ITIH2: variants seen among roughly 807,000 people sequenced by gnomAD.
ITIH2 encodes inter-alpha-trypsin inhibitor heavy chain 2, also known as inter-alpha-trypsin inhibitor heavy chain H2.
In ITIH2, 103 loss-of-function variants were observed where a neutral mutation model predicts 104.4. That is an observed-to-expected ratio of 0.99 (90% CI 0.84 to 1.16). ITIH2 has a LOEUF of 1.16. Ranked by LOEUF, ITIH2 falls within the 50% of genes most tolerant of loss-of-function variation. The probability of loss-of-function intolerance (pLI) is 0.00; values close to 1 mark genes in which losing one functional copy is unlikely to be tolerated. For missense variants in ITIH2, 1,108 were observed against 1,162.4 expected (o/e 0.95, Z 0.68); for synonymous variants, 436 against 435.4 (o/e 1.00, Z -0.02).
chr10:7,732,784 G>C (rs2130956472), intron 14 of ITIH2, among the ~76,000 whole-genome samples: 1 of 152,070 alleles, frequency 6.6e-6, no homozygotes, highest in South Asian at 2.1e-4. Flanking sequence ...CTGGAGTGCA[G>C]TGACGCCATC....
At chr10:7,711,032 A>G (rs1834792544) in intron 4 of ITIH2, among the ~76,000 whole-genome samples, 1 of 151,340 alleles carries the variant, frequency 6.6e-6, no homozygotes, top group African/African-American at 2.4e-5. Context: ...TCATCCCATC[A>G]TCTAGGTTTT....
At chr10:7,721,891 AGCT>A in intron 8 of ITIH2, 114 bp downstream of exon 8, 5 of 1,122,742 alleles carry the variant, frequency 4.5e-6, no homozygotes, top group Middle Eastern at 2.1e-4. Flanking sequence ...AAGTGTTTCT[AGCT>A]GCAGAGAAGG....
intron 9 of ITIH2, 146 bp downstream of exon 9, chr10:7,723,713 TA>T: frequency 1.6e-6 from 1 of 631,712 alleles, no homozygotes. Flanking sequence ...CAACTCTTCC[TA>T]AAATTTTGCT....
At chr10:7,744,311 G>C in intron 18 of ITIH2, 31 bp downstream of exon 18, 3 of 1,549,328 alleles carry the variant, frequency 1.9e-6, no homozygotes, top group Non-Finnish European at 1.8e-6. Flanking sequence ...ACTTGGGCCT[G>C]TCCGTGACAC....
chr10:7,719,780 A>C (rs11255311), intron 6 of ITIH2, among the ~76,000 whole-genome samples: 1 of 141,090 alleles, frequency 7.1e-6, no homozygotes, highest in African/African-American at 2.7e-5. Flanking sequence ...AAAAAAAAAA[A>C]AAAGAAAGAA....
chr10:7,732,258 G>T, intron 13 of ITIH2, 80 bp from the exon 14 acceptor site: 1 of 1,429,682 alleles, frequency 7.0e-7, no homozygotes, highest in Non-Finnish European at 9.7e-7. Flanking sequence ...CCATTCATTC[G>T]CAGCAGGTAC....
At chr10:7,710,122 G>A (rs536297159) in intron 4 of ITIH2, among the ~76,000 whole-genome samples, 2 of 152,346 alleles carry the variant, frequency 1.3e-5, no homozygotes, top group South Asian at 4.1e-4. Flanking sequence ...AAAGTGTTGG[G>A]ATTACAGGCG....
chr10:7,734,673 C>A (rs1277669832), intron 14 of ITIH2, among the ~76,000 whole-genome samples: 2 of 152,154 alleles, frequency 1.3e-5, no homozygotes, highest in East Asian at 3.9e-4. Context: ...CCAGCCTGGG[C>A]AACAGGGCGA....
Position 7,738,199 on chromosome 10 carries a change from A to T in ITIH2, c.1958-422A>T, listed in dbSNP as rs187869230. ...TATATATTATATATTATATTCTATA[A>T]AATATTATATATTATATTCTATATA... is the stretch of plus-strand genomic sequence containing the variant. On this transcript the variant is annotated intron_variant, in intron 15 of 20. Coordinates refer to ENST00000358415, the MANE Select transcript of ITIH2 (RefSeq NM_002216.3). Among the ~76,000 whole-genome samples, 79 of 67,316 alleles carry T rather than the reference A, an allele frequency of 1.2e-3. 6 individuals are homozygous for T. Among genetic ancestry groups the T allele is most frequent in the South Asian group, 2.5e-3 (5 of 1,978 alleles). The allele number at this position is 67,316 out of a possible 152,430, so 44.2% of individuals were successfully genotyped here.
chr10:7,731,202 C>A (rs1834999466), intron 12 of ITIH2, among the ~76,000 whole-genome samples: 1 of 152,102 alleles, frequency 6.6e-6, no homozygotes, highest in Admixed American at 6.5e-5. Context: ...ACAGGTCAAG[C>A]CACCATGCCC....
intron 7 of ITIH2, 146 bp downstream of exon 7, chr10:7,721,109 G>A (rs1834898868): frequency 3.3e-6 from 2 of 610,120 alleles, no homozygotes; most frequent in East Asian, 5.6e-5. Flanking sequence ...AGAGCCTAGG[G>A]CCTCCCCAGG....
intron 11 of ITIH2, among the ~76,000 whole-genome samples, chr10:7,729,567 CT>C (rs1358895474): frequency 6.6e-6 from 1 of 151,950 alleles, no homozygotes; most frequent in African/African-American, 2.4e-5. Context: ...TGATATTTAC[CT>C]TGTTTTTTTT....
intron 4 of ITIH2, 59 bp from the exon 5 acceptor site, chr10:7,713,122 G>A (rs61834849): frequency 7.4e-7 from 1 of 1,355,574 alleles, no homozygotes; most frequent in Non-Finnish European, 1.0e-6. Context: ...TCCATCTCGA[G>A]GGGAAAAAAA....
At chr10:7,705,369 A>G (rs368770707) in intron 2 of ITIH2, among the ~76,000 whole-genome samples, 187 bp downstream of exon 2, 10 of 152,328 alleles carry the variant, frequency 6.6e-5, no homozygotes, top group African/African-American at 2.2e-4. Flanking sequence ...AACTCACACA[A>G]CTGCTCAGCA....
chr10:7,734,475 G>T (rs746385658), intron 14 of ITIH2, among the ~76,000 whole-genome samples: 3 of 151,840 alleles, frequency 2.0e-5, no homozygotes, highest in Non-Finnish European at 2.9e-5. Flanking sequence ...CGTGTGGATC[G>T]CTTGAGTCCA....
chr10:7,723,154 G>GTGGAGTGGAGTGAAGTGGCA (rs1387978385), intron 8 of ITIH2, among the ~76,000 whole-genome samples: 28 of 151,574 alleles, frequency 1.8e-4, no homozygotes, highest in Non-Finnish European at 3.4e-4. Flanking sequence ...GTGGCGTGGC[G>GTGGAGTGGAGTGAAGTGGCA]TGGAGTGGTG....
intron 2 of ITIH2, among the ~76,000 whole-genome samples, chr10:7,706,498 T>C (rs931570243): frequency 6.6e-6 from 1 of 152,194 alleles, no homozygotes; most frequent in Non-Finnish European, 1.5e-5. Context: ...TAGGTGCCAG[T>C]CACTGTGTTT....
At chr10:7,727,201 C>A in intron 10 of ITIH2, 83 bp downstream of exon 10, 1 of 1,162,036 alleles carries the variant, frequency 8.6e-7, no homozygotes, top group Non-Finnish European at 1.2e-6. Context: ...ATTCCCATCA[C>A]AGTGGTCTTT....
intron 8 of ITIH2, among the ~76,000 whole-genome samples, 164 bp from the exon 9 acceptor site, chr10:7,723,287 A>G (rs1255306002): frequency 2.0e-5 from 3 of 151,928 alleles, no homozygotes; most frequent in Non-Finnish European, 4.4e-5. Flanking sequence ...CCCTCAGAGG[A>G]GAGGAGGTGG....
Sources: gnomAD v4.1 joint callset for allele counts (sites outside exome capture counted in the v4.1 genomes callset) on GRCh38, gnomAD v4.1.1 for gene constraint, MANE v1.5 for transcripts, NCBI Gene and HGNC (gene_info 2026-07-23, HGNC 2026-07-21) for gene names.